CABIN1: variants seen among roughly 807,000 people sequenced by gnomAD.
CABIN1 encodes calcineurin-binding protein cabin-1.
A neutral mutation model predicts 227.7 loss-of-function variants in CABIN1; 133 were observed. That is an observed-to-expected ratio of 0.58 (90% CI 0.51 to 0.67). The LOEUF (loss-of-function observed/expected upper bound fraction) is 0.67. Ranked by LOEUF, CABIN1 falls within the 30% of genes least tolerant of loss-of-function variation. The pLI is 0.00. For missense variants in CABIN1, 2,408 were observed against 2,852.5 expected (o/e 0.84, Z 3.55); for synonymous variants, 1,086 against 1,155.1 (o/e 0.94, Z 1.21).
At chr22:24,109,986 A>G (rs542409747) in intron 26 of CABIN1, among the ~76,000 whole-genome samples, 1 of 152,306 alleles carries the variant, frequency 6.6e-6, no homozygotes, top group South Asian at 2.1e-4. Context: ...CCTGTCTAAC[A>G]TGGTGAAATC....
intron 10 of CABIN1, 101 bp from the exon 11 acceptor site, chr22:24,059,126 C>A: frequency 2.7e-6 from 4 of 1,499,090 alleles, no homozygotes; most frequent in Non-Finnish European, 3.7e-6. Flanking sequence ...ATTTTAGCTG[C>A]CTTCTTCCTG....
intron 26 of CABIN1, among the ~76,000 whole-genome samples, chr22:24,100,961 A>G (rs1011468665): frequency 7.2e-5 from 11 of 152,212 alleles, no homozygotes; most frequent in African/African-American, 2.7e-4. Flanking sequence ...CATAGAGGGA[A>G]GAGCCTGGGC....
chr22:24,127,629 G>A (rs956004786), intron 28 of CABIN1, among the ~76,000 whole-genome samples: 6 of 152,138 alleles, frequency 3.9e-5, no homozygotes, highest in Admixed American at 2.6e-4. Context: ...ATGACGAGTA[G>A]CAGCCTGGCA....
chr22:24,071,401 G>A (rs1370772529), intron 17 of CABIN1, among the ~76,000 whole-genome samples: 1 of 152,142 alleles, frequency 6.6e-6, no homozygotes, highest in Admixed American at 6.5e-5. Context: ...AGCATCCCAC[G>A]GTATCCTGGC....
intron 25 of CABIN1, among the ~76,000 whole-genome samples, chr22:24,097,270 C>T (rs2041950617): frequency 6.6e-6 from 1 of 152,178 alleles, no homozygotes; most frequent in African/African-American, 2.4e-5. Context: ...TAAAATGTGA[C>T]AGATCTCCTT....
chr22:24,013,068 C>G (rs1569061529), intron 1 of CABIN1, among the ~76,000 whole-genome samples: 1 of 141,460 alleles, frequency 7.1e-6, no homozygotes, highest in Non-Finnish European at 1.5e-5. Flanking sequence ...GCCTCAATAG[C>G]TTTTTTTTTT....
chr22:24,042,868 G>C, intron 5 of CABIN1, 36 bp from the exon 6 acceptor site: 1 of 1,296,672 alleles, frequency 7.7e-7, no homozygotes, highest in Non-Finnish European at 1.1e-6. Context: ...GTGTGTGTGT[G>C]TGTGTGTGTT....
Position 24,177,643 on chromosome 22 carries a change from C to T in CABIN1, c.6345C>T (p.His2115=). ...SSGSAQPPEG[H]PGKPEPSRAK... is the part of the protein sequence containing the mutation. ...GGAGTGCCCAGCCACCAGAGGGTCA[C>T]CCAGGCAAGCCTGAGCCCAGCCGGG... Residue 2115 remains histidine (H), a synonymous_variant, in exon 36 of 37, where the codon CAC becomes CAT. Transcript: ENST00000263119. This position sits in a 1 kb window ranked among gnomAD's most constrained non-coding sequence, Gnocchi z 4.4. 6.2e-7 allele frequency: 1 copy of T among 1,613,744 alleles called. No individual in the cohort carries two copies. The highest frequency in any genetic ancestry group is 2.2e-5 in the East Asian group (1 of 44,872).
rs773932336 is a variant in CABIN1, at chr22:24,062,013, A to G, written c.1684A>G (p.Arg562Gly). 3 of 1,613,682 alleles carry G rather than the reference A, an allele frequency of 1.9e-6. No homozygotes were observed. Among genetic ancestry groups the G allele is most frequent in the African/African-American group, 2.7e-5 (2 of 74,938 alleles). Residue 562 changes from arginine (R) to glycine (G), a missense_variant, in exon 13 of 37, where the codon AGA (arginine) becomes GGA (glycine). Around this residue, in one of 3 missense-constraint regions of CABIN1, gnomAD observed 1,045 missense variants for 1,168.4 expected, o/e 0.89. Transcript: ENST00000263119. The part of the protein sequence containing the change: ...QLDQWLLTKG[R>G]SSAVSPRNCP... ...GGACCAGTGGCTGCTGACCAAAGGC[A>G]GAAGCTCTGCAGGTAGGAGGCATTA...
At chr22:24,057,870 G>C (rs1216070631) in intron 10 of CABIN1, among the ~76,000 whole-genome samples, 1 of 152,172 alleles carries the variant, frequency 6.6e-6, no homozygotes, top group African/African-American at 2.4e-5. Flanking sequence ...ATTGTTCTTT[G>C]GTTGATGGTG....
At chr22:24,174,225 C>T (rs1411428914) in intron 34 of CABIN1, among the ~76,000 whole-genome samples, 24 of 151,932 alleles carry the variant, frequency 1.6e-4, no homozygotes, top group Admixed American at 1.6e-3. Flanking sequence ...CCTCCCTGGG[C>T]TCAGGTGATC....
chr22:24,038,104 T>TG (rs1407037822), intron 3 of CABIN1, among the ~76,000 whole-genome samples: 1 of 152,178 alleles, frequency 6.6e-6, no homozygotes, highest in Non-Finnish European at 1.5e-5. Flanking sequence ...TTCTGAACCC[T>TG]GCCCTTTAGG....
intron 4 of CABIN1, among the ~76,000 whole-genome samples, chr22:24,039,270 C>T (rs2037168789): frequency 1.3e-5 from 2 of 152,270 alleles, no homozygotes; most frequent in Non-Finnish European, 2.9e-5. Context: ...AGCAGAGTCT[C>T]CTGTAGTGCT....
At chr22:24,041,649 AAAAC>A (rs1798064871) in intron 5 of CABIN1, among the ~76,000 whole-genome samples, 1 of 152,240 alleles carries the variant, frequency 6.6e-6, no homozygotes, top group Non-Finnish European at 1.5e-5. Context: ...AATAGTATCA[AAAAC>A]AAAGTCTGAA....
chr22:24,066,841 A>C, intron 15 of CABIN1, 146 bp from the exon 16 acceptor site: 1 of 722,690 alleles, frequency 1.4e-6, no homozygotes, highest in Non-Finnish European at 2.5e-6. Flanking sequence ...TGATGTATGA[A>C]GGAGGAATCT....
chr22:24,151,733 A>G (rs1207685066), intron 29 of CABIN1, among the ~76,000 whole-genome samples: 7 of 152,064 alleles, frequency 4.6e-5, no homozygotes, highest in Admixed American at 4.6e-4. Context: ...TCTGTTCCCC[A>G]GATTCCCTGC....
At chr22:24,040,228 A>C (rs2037260467) in intron 4 of CABIN1, among the ~76,000 whole-genome samples, 3 of 152,364 alleles carry the variant, frequency 2.0e-5, no homozygotes, top group African/African-American at 7.2e-5. Context: ...GATAAGTCAG[A>C]TGACGGTAGA....
At chr22:24,052,805 A>C (rs1030826780) in intron 8 of CABIN1, among the ~76,000 whole-genome samples, 6 of 151,656 alleles carry the variant, frequency 4.0e-5, no homozygotes, top group Non-Finnish European at 5.9e-5. Context: ...AAAAAAAAAA[A>C]ATTAAAAAAT....
intron 29 of CABIN1, among the ~76,000 whole-genome samples, chr22:24,153,935 TCA>T (rs1355017215): frequency 1.3e-5 from 2 of 152,180 alleles, no homozygotes; most frequent in African/African-American, 4.8e-5. Flanking sequence ...ATTCTGAGCC[TCA>T]GTGTGTTCAT....
Sources: gnomAD v4.1 joint callset for allele counts (sites outside exome capture counted in the v4.1 genomes callset) on GRCh38, gnomAD v4.1.1 for gene constraint, gnomAD v4.1.1 regional missense constraint, Gnocchi (gnomAD v3.1) non-coding constraint, MANE v1.5 for transcripts, NCBI Gene and HGNC (gene_info 2026-07-23, HGNC 2026-07-21) for gene names.